Variants in COL24A1 observed in about 807,000 individuals in gnomAD.
COL24A1 encodes collagen type XXIV alpha 1 chain, also known as collagen alpha-1(XXIV) chain.
In COL24A1, 224 loss-of-function variants were observed where a neutral mutation model predicts 253.9. That is an observed-to-expected ratio of 0.88 (90% CI 0.79 to 0.99). The LOEUF is 0.99. COL24A1 is among the 50% of genes least tolerant of loss of function. COL24A1 has a pLI of 0.00. For missense variants in COL24A1, 2,131 were observed against 2,068.5 expected (o/e 1.03, Z -0.59); for synonymous variants, 685 against 673.7 (o/e 1.02, Z -0.26).
chr1:85,874,639 G>A lies in COL24A1; in HGVS notation c.3138+10C>T. The A allele has an allele frequency of 1.9e-6, 3 of 1,611,596 alleles. No individual in the cohort carries two copies. Among genetic ancestry groups the A allele is most frequent in the Non-Finnish European group, 2.5e-6 (3 of 1,179,246 alleles). On this transcript the variant is annotated intron_variant, in intron 35 of 59. Coordinates refer to ENST00000370571, the MANE Select transcript of COL24A1 (RefSeq NM_152890.7). Reference sequence around the variant, plus strand: ...TTAGTGTATTAAAAGAGTTTCAAGGGGGCACTCACCCGTAAACCTGGTTCC... The same window carrying A: ...TTAGTGTATTAAAAGAGTTTCAAGGAGGCACTCACCCGTAAACCTGGTTCC...
rs767365859 is a variant in COL24A1, at chr1:85,786,459, G to A, written c.3954C>T (p.Gly1318=). Residue 1318 remains glycine (G), a splice_region_variant and synonymous_variant, in exon 48 of 60, where the codon GGC becomes GGT. Transcript: ENST00000370571. ...CTGTTCTTCCTGGGCCGCCTCTGAT[G>A]CCCTAAATAACACAGATAAGAAATG... ...IGPPGKQGLP[G]IRGGPGRTGL... The A allele has an allele frequency of 2.5e-6, 4 of 1,612,466 alleles. No homozygotes were observed. In the East Asian group the frequency reaches 6.7e-5, roughly 27 times the overall value.
At chr1:86,119,998 A>G (rs1043482716) in intron 3 of COL24A1, among the ~76,000 whole-genome samples, 3 of 152,206 alleles carry the variant, frequency 2.0e-5, no homozygotes, top group African/African-American at 4.8e-5. Flanking sequence ...CACATCTACA[A>G]CTATCTGATC....
At chr1:86,010,215 TGGC>T (rs35477232) in intron 19 of COL24A1, among the ~76,000 whole-genome samples, 62,797 of 151,668 alleles carry the variant, frequency 0.41, 13,228 homozygotes, top group Admixed American at 0.52. Context: ...CTGACAAATT[TGGC>T]TATGTAAAAT....
chr1:85,821,107 A>G (rs2101967949), intron 45 of COL24A1, among the ~76,000 whole-genome samples: 1 of 152,300 alleles, frequency 6.6e-6, no homozygotes, highest in East Asian at 1.9e-4. Context: ...TGGGAGAACA[A>G]ATATTTTGGC....
At chr1:85,777,244 G>T (rs777780307) in intron 52 of COL24A1, among the ~76,000 whole-genome samples, 1 of 145,880 alleles carries the variant, frequency 6.9e-6, no homozygotes, top group Non-Finnish European at 1.5e-5. Flanking sequence ...CACTGCGCCT[G>T]GACCCTGATT....
intron 14 of COL24A1, among the ~76,000 whole-genome samples, chr1:86,026,265 A>G (rs1249252592): frequency 6.6e-6 from 1 of 152,212 alleles, no homozygotes; most frequent in Non-Finnish European, 1.5e-5. Context: ...AGGACCATCT[A>G]TATCAGTTTA....
At chr1:86,052,947 C>A (rs1260103739) in intron 10 of COL24A1, among the ~76,000 whole-genome samples, 1 of 151,746 alleles carries the variant, frequency 6.6e-6, no homozygotes, top group Non-Finnish European at 1.5e-5. Context: ...GCCTTATGTT[C>A]CACAGATTGT....
intron 52 of COL24A1, among the ~76,000 whole-genome samples, chr1:85,778,155 G>A (rs1321914745): frequency 6.6e-6 from 1 of 152,014 alleles, no homozygotes; most frequent in African/African-American, 2.4e-5. Context: ...CCAGGCTGGA[G>A]TGCAGTGGCA....
chr1:85,947,593 A>T (rs900631416), intron 24 of COL24A1, among the ~76,000 whole-genome samples: 8 of 152,218 alleles, frequency 5.3e-5, no homozygotes, highest in Non-Finnish European at 8.8e-5. Flanking sequence ...AACAATAAAG[A>T]GCCTCTGATA....
chr1:85,881,012 T>A lies in COL24A1; in HGVS notation c.2977-3837A>T, dbSNP rs1447246713. Among the ~76,000 whole-genome samples the A allele has an allele frequency of 3.3e-5, 5 of 152,260 alleles. No individual in the cohort carries two copies. In the East Asian group the frequency reaches 7.7e-4, roughly 23 times the overall value. On this transcript the variant is annotated intron_variant, in intron 32 of 59. Transcript: ENST00000370571. The stretch of plus-strand genomic sequence containing the variant: ...GTGATGTGTTTGTCTGGTTTTGTTT[T>A]TAAGGTAATGCTCACATAATGGCCT...
At chr1:86,063,805 T>A (rs770525910) in intron 7 of COL24A1, 46 bp from the exon 8 acceptor site, 33 of 1,381,536 alleles carry the variant, frequency 2.4e-5, no homozygotes, top group Non-Finnish European at 2.3e-5. Context: ...TAAACTCATA[T>A]AAGCCAAATA....
In COL24A1 at chr1:86,125,528, G is replaced by T; in HGVS notation, c.808C>A (p.Pro270Thr). 4 of 1,613,596 alleles carry T rather than the reference G, an allele frequency of 2.5e-6. No homozygotes were observed. Among genetic ancestry groups the T allele is most frequent in the Non-Finnish European group, 3.4e-6 (4 of 1,179,750 alleles). Residue 270 changes from proline to threonine, a missense_variant, in exon 3 of 60, where the codon CCG becomes ACG. Coordinates refer to ENST00000370571, the MANE Select transcript of COL24A1 (RefSeq NM_152890.7). Reference sequence around the variant, plus strand: ...ACTTTTTCAGCAAATAGTTTGGGCGGGGGAGAGTGTTCCGGTATCTTTGTT... The same window carrying T: ...ACTTTTTCAGCAAATAGTTTGGGCGTGGGAGAGTGTTCCGGTATCTTTGTT... Reference protein sequence around the residue: ...IPTKIPEHSPPPKLFAEKVLS... With the variant: ...IPTKIPEHSPTPKLFAEKVLS...
chr1:85,850,688 C>T (rs1677658399), intron 37 of COL24A1, among the ~76,000 whole-genome samples: 1 of 152,072 alleles, frequency 6.6e-6, no homozygotes, highest in Admixed American at 6.5e-5. Context: ...CTAACACCTA[C>T]CTATACAGCC....
At chr1:86,117,383 C>T (rs1311758995) in intron 3 of COL24A1, among the ~76,000 whole-genome samples, 1 of 152,228 alleles carries the variant, frequency 6.6e-6, no homozygotes, top group Non-Finnish European at 1.5e-5. Context: ...AAACCAGAAA[C>T]AGGCCCTGGC....
intron 1 of COL24A1, among the ~76,000 whole-genome samples, chr1:86,153,222 C>T (rs1653011305): frequency 6.7e-6 from 1 of 150,136 alleles, no homozygotes; most frequent in African/African-American, 2.5e-5. Context: ...TACCCACCCA[C>T]CCAAGACTGC....
At chr1:86,134,442 G>A (rs1445100518) in intron 2 of COL24A1, among the ~76,000 whole-genome samples, 1 of 148,246 alleles carries the variant, frequency 6.7e-6, no homozygotes, top group African/African-American at 2.5e-5. Context: ...TGTGAAGTTA[G>A]GATGTCAATT....
chr1:85,900,942 G>T (rs1684225855), intron 28 of COL24A1, among the ~76,000 whole-genome samples: 1 of 152,028 alleles, frequency 6.6e-6, no homozygotes, highest in African/African-American at 2.4e-5. Context: ...TGAAGACTTG[G>T]AACTATAAAA....
In COL24A1 at chr1:86,045,685, G is replaced by A. The variant is rs1699846456; in HGVS notation, c.1950+1140C>T. 3 of 243,968 alleles carry A rather than the reference G, an allele frequency of 1.2e-5. No homozygotes were observed. The South Asian group carries it at 1.6e-4, about 13-fold the overall frequency. The allele number at this position is 243,968 out of a possible 1,614,324, so 15.1% of individuals were successfully genotyped here. ...GGTGATAATAGCAACGGTGATGGCA[G>A]TTTCTACTGTTATAACCATTATAAG... On this transcript the variant is annotated intron_variant, in intron 12 of 59. Coordinates refer to ENST00000370571, the MANE Select transcript of COL24A1 (RefSeq NM_152890.7).
At chr1:85,808,946 G>T (rs1672253334) in intron 47 of COL24A1, among the ~76,000 whole-genome samples, 1 of 152,186 alleles carries the variant, frequency 6.6e-6, no homozygotes, top group Non-Finnish European at 1.5e-5. Flanking sequence ...GGTTGGGGAT[G>T]AAATCACAGG....
Sources: gnomAD v4.1 joint callset for allele counts (sites outside exome capture counted in the v4.1 genomes callset) on GRCh38, gnomAD v4.1.1 for gene constraint, MANE v1.5 for transcripts, NCBI Gene and HGNC (gene_info 2026-07-23, HGNC 2026-07-21) for gene names.